The following PFKFB1 variants were observed in gnomAD, a reference collection of about 807,000 sequenced individuals.
PFKFB1 encodes 6-phosphofructo-2-kinase/fructose-2,6-bisphosphatase 1.
PFKFB1 carries 34 observed loss-of-function variants against 46.4 expected under a neutral mutation model. That is an observed-to-expected ratio of 0.73 (90% CI 0.56 to 0.98). The LOEUF (loss-of-function observed/expected upper bound fraction) is 0.98. PFKFB1 is among the 50% of genes least tolerant of loss of function. The pLI, the probability that PFKFB1 is intolerant of heterozygous loss-of-function variation, is 0.00. For missense variants in PFKFB1, 393 were observed against 376.3 expected, an observed-to-expected ratio of 1.04 and a Z score of -0.37; for synonymous variants, 119 against 133.8, an observed-to-expected ratio of 0.89 and a Z score of 0.76.
chrX:54,942,728 T>G (rs971249522), intron 10 of PFKFB1, among the ~76,000 whole-genome samples: 1 of 111,529 alleles, frequency 9.0e-6, no homozygotes, highest in African/African-American at 3.3e-5. Context: ...AAAATAAATA[T>G]GTTTGAAACT....
intron 10 of PFKFB1, among the ~76,000 whole-genome samples, chrX:54,941,000 G>A (rs750465218): frequency 1.8e-5 from 2 of 111,945 alleles, no homozygotes; most frequent in East Asian, 5.6e-4. Flanking sequence ...TATACTACAA[G>A]CCTACAGTAA....
upstream of PFKFB1, chrX:54,998,440 T>C: frequency 8.7e-7 from 1 of 1,150,829 alleles, no homozygotes; most frequent in Non-Finnish European, 1.2e-6. Context: ...CCATCGCTAA[T>C]TATCCAACAC....
At chrX:54,977,262 G>A (rs748541302) in intron 1 of PFKFB1, among the ~76,000 whole-genome samples, 133 of 110,759 alleles carry the variant, frequency 1.2e-3, no homozygotes, top group African/African-American at 4.1e-3. Context: ...AAATAACCAC[G>A]AAAATAGTGT....
At position 54,993,804 on chromosome X, in the gene PFKFB1, T is replaced by C. The variant is rs1254250527; in HGVS notation, c.97+107A>G. On this transcript the variant is annotated intron_variant, in intron 1 of 13. Coordinates refer to ENST00000375006, the MANE Select transcript of PFKFB1 (RefSeq NM_002625.4). ...CATCCAGTTGTTCATCTATTCCAAC[T>C]TTTAGGTTGAGGTAGGAGTGGATGG... 1.1e-5 allele frequency: 12 copies of C among 1,049,678 alleles called. No individual in the cohort carries two copies. In the Admixed American group the frequency reaches 4.0e-4, roughly 35 times the overall value. 86.5% of individuals were successfully genotyped at this position (1,049,678 alleles called of 1,213,427 possible). A position where few individuals can be genotyped will look rare whatever the true frequency, so the allele number is the denominator to read the frequency against.
chrX:54,998,482 CA>C, upstream of PFKFB1: 1 of 1,083,306 alleles, frequency 9.2e-7, no homozygotes, highest in Non-Finnish European at 1.2e-6. Flanking sequence ...ACCCCCAAGG[CA>C]GGTCCAGTGG....
At position 54,952,069 on chromosome X, in the gene PFKFB1, T is replaced by C; in HGVS notation, c.682A>G (p.Met228Val). 1.7e-6 allele frequency: 2 copies of C among 1,211,572 alleles called. No homozygotes were observed. The highest frequency in any genetic ancestry group is 1.7e-5 in the African/African-American group (1 of 57,829). ...ATGTGATCCTGCACTCGGTTCACCATGTAGCGTGTGCCCACGTCGAAGATC... is the reference window on the plus strand; with the variant it reads ...ATGTGATCCTGCACTCGGTTCACCACGTAGCGTGTGCCCACGTCGAAGATC... ...IKIFDVGTRY[M>V]VNRVQDHIQS... The change falls in exon 8 of 14, where the codon ATG becomes GTG. Residue 228 changes from methionine to valine, a missense_variant. Coordinates refer to ENST00000375006, the MANE Select transcript of PFKFB1 (RefSeq NM_002625.4).
chrX:54,945,565 C>G, intron 9 of PFKFB1, 22 bp from the exon 10 acceptor site: 2 of 948,977 alleles, frequency 2.1e-6, no homozygotes, highest in East Asian at 6.2e-5. Flanking sequence ...TATTTGGGGG[C>G]GAAAGTATTC....
intron 6 of PFKFB1, among the ~76,000 whole-genome samples, chrX:54,956,643 G>A (rs1259413432): frequency 2.7e-5 from 3 of 111,006 alleles, no homozygotes; most frequent in East Asian, 2.8e-4. Flanking sequence ...AGTGTTTACC[G>A]GGAGATTATG....
upstream of PFKFB1, among the ~76,000 whole-genome samples, chrX:54,996,549 A>G (rs900872948): frequency 1.8e-5 from 2 of 112,361 alleles, no homozygotes; most frequent in African/African-American, 6.5e-5. Flanking sequence ...TCCAGGCTTG[A>G]AAGCCTAACT....
At chrX:54,949,877 A>G (rs1933918333) in intron 8 of PFKFB1, among the ~76,000 whole-genome samples, 2 of 112,511 alleles carry the variant, frequency 1.8e-5, no homozygotes, top group South Asian at 7.4e-4. Context: ...TTTGGGAGAC[A>G]TTACTTTTTG....
chrX:54,970,206 GC>G (rs1211406041), intron 1 of PFKFB1, among the ~76,000 whole-genome samples: 1 of 111,536 alleles, frequency 9.0e-6, no homozygotes, highest in Non-Finnish European at 1.9e-5. Flanking sequence ...ACTGCAGCCG[GC>G]CCAAAATCTA....
At chrX:54,977,674 C>T (rs1013627434) in intron 1 of PFKFB1, among the ~76,000 whole-genome samples, 3 of 111,075 alleles carry the variant, frequency 2.7e-5, no homozygotes, top group African/African-American at 9.8e-5. Context: ...ATTAATGATA[C>T]CCTAAAAGTA....
At chrX:54,972,170 A>T (rs1934688680) in intron 1 of PFKFB1, among the ~76,000 whole-genome samples, 1 of 111,286 alleles carries the variant, frequency 9.0e-6, no homozygotes, top group East Asian at 2.8e-4. Flanking sequence ...AATGCTGGTG[A>T]TTTTTGTACA....
At position 54,937,677 on chromosome X, in the gene PFKFB1, T is replaced by C. The variant is rs768791928; in HGVS notation, c.1146A>G (p.Leu382=). Residue 382 remains leucine, a synonymous_variant, in exon 11 of 14, where the codon CTA becomes CTG. Coordinates refer to ENST00000375006, the MANE Select transcript of PFKFB1 (RefSeq NM_002625.4). ...TCACCAGTACATTCTCCTGTCGTTC[T>C]AGCTCCATTATCACTGGCTCCAGAC... The part of the protein sequence containing the change: ...VQRLEPVIME[L]ERQENVLVIC... The C allele has an allele frequency of 1.1e-5, 13 of 1,204,512 alleles. No homozygotes were observed. The highest frequency in any genetic ancestry group is 1.0e-5 in the Non-Finnish European group (9 of 890,021).
chrX:54,972,081 T>G (rs1300235180), intron 1 of PFKFB1, among the ~76,000 whole-genome samples: 1 of 110,763 alleles, frequency 9.0e-6, no homozygotes, highest in Admixed American at 9.6e-5. Context: ...TTCCTAGGTA[T>G]TTTATTCTCT....
chrX:54,997,747 C>T (rs995111262), upstream of PFKFB1, among the ~76,000 whole-genome samples: 1 of 111,857 alleles, frequency 8.9e-6, no homozygotes, highest in Non-Finnish European at 1.9e-5. Context: ...GGCCCACCAT[C>T]TCTCCACTAT....
chrX:54,965,561 A>C (rs1247508473), intron 1 of PFKFB1, among the ~76,000 whole-genome samples: 1 of 111,968 alleles, frequency 8.9e-6, no homozygotes, highest in Non-Finnish European at 1.9e-5. Flanking sequence ...ATATTAAAGG[A>C]AATTCTTCAG....
chrX:54,966,991 C>A (rs1934495671), intron 1 of PFKFB1, among the ~76,000 whole-genome samples: 1 of 111,728 alleles, frequency 9.0e-6, no homozygotes, highest in African/African-American at 3.3e-5. Context: ...AATTACACCT[C>A]CACCCAAGTC....
chrX:54,962,091 A>G (rs867344222), intron 2 of PFKFB1, among the ~76,000 whole-genome samples: 28 of 111,128 alleles, frequency 2.5e-4, no homozygotes, highest in African/African-American at 8.8e-4. Context: ...GCTTTGAAAT[A>G]TGACTCTGGA....
Sources: gnomAD v4.1 joint callset for allele counts (sites outside exome capture counted in the v4.1 genomes callset) on GRCh38, gnomAD v4.1.1 for gene constraint, MANE v1.5 for transcripts, NCBI Gene and HGNC (gene_info 2026-07-23, HGNC 2026-07-21) for gene names.